CWC27: variants seen among roughly 807,000 people sequenced by gnomAD.
CWC27 encodes CWC27 spliceosome associated cyclophilin, also known as spliceosome-associated protein CWC27 homolog.
Under a neutral mutation model 63.6 loss-of-function variants are expected in CWC27, and 47 were observed. The ratio of observed to expected loss-of-function variants is 0.74; its 90% CI spans 0.58 to 0.94. CWC27 has a LOEUF of 0.94. Among genes scored for constraint, CWC27 ranks in the 40% least tolerant of loss-of-function variants. The pLI is 0.00. For synonymous variants in CWC27, 175 were observed against 179.8 expected (o/e 0.97, Z 0.22); for missense variants, 495 against 554.3 (o/e 0.89, Z 1.07).
chr5:64,914,948 A>G (rs1747861936), intron 11 of CWC27, among the ~76,000 whole-genome samples: 1 of 152,206 alleles, frequency 6.6e-6, no homozygotes, highest in Non-Finnish European at 1.5e-5. Context: ...ACAACAATGT[A>G]GATAAATCTT....
chr5:64,798,145 A>G (rs1744346763), intron 7 of CWC27, among the ~76,000 whole-genome samples: 1 of 152,168 alleles, frequency 6.6e-6, no homozygotes, highest in African/African-American at 2.4e-5. Context: ...TTCTTGTTTA[A>G]GTTATTTGAT....
intron 11 of CWC27, among the ~76,000 whole-genome samples, chr5:64,913,647 A>G (rs550898124): frequency 6.6e-6 from 1 of 152,228 alleles, no homozygotes; most frequent in Non-Finnish European, 1.5e-5. Flanking sequence ...TGGAATTAAT[A>G]TACAGACATA....
intron 11 of CWC27, among the ~76,000 whole-genome samples, chr5:64,951,461 C>A (rs1748707195): frequency 6.6e-6 from 1 of 151,812 alleles, no homozygotes; most frequent in Non-Finnish European, 1.5e-5. Flanking sequence ...AGCTACAAGT[C>A]CTTTATCAGA....
intron 11 of CWC27, among the ~76,000 whole-genome samples, chr5:64,927,669 C>A (rs1186254133): frequency 1.3e-5 from 2 of 152,150 alleles, no homozygotes; most frequent in Non-Finnish European, 2.9e-5. Flanking sequence ...CTCTGCCTCA[C>A]CCCTGCTCAT....
At chr5:64,849,779 G>A (rs1746086570) in intron 10 of CWC27, among the ~76,000 whole-genome samples, 1 of 152,024 alleles carries the variant, frequency 6.6e-6, no homozygotes, top group Non-Finnish European at 1.5e-5. Context: ...AGATCTGATA[G>A]TTTAAAAGTG....
chr5:64,924,091 A>C (rs958445972), intron 11 of CWC27, among the ~76,000 whole-genome samples: 4 of 152,058 alleles, frequency 2.6e-5, no homozygotes, highest in African/African-American at 9.7e-5. Flanking sequence ...TTAATTCCTA[A>C]TTGGTTTCCT....
At chr5:64,976,929 A>T (rs1749237545) in intron 12 of CWC27, among the ~76,000 whole-genome samples, 1 of 152,198 alleles carries the variant, frequency 6.6e-6, no homozygotes, top group African/African-American at 2.4e-5. Flanking sequence ...CTGAGGGGAA[A>T]TGTCAGTGCA....
chr5:64,796,002 C>CGTGT (rs56699605), intron 7 of CWC27, among the ~76,000 whole-genome samples: 11,160 of 135,798 alleles, frequency 0.082, 463 homozygotes, highest in East Asian at 0.12. Flanking sequence ...AGAAATTGTG[C>CGTGT]GTGTGTGTGT....
rs547418984 is a variant in CWC27 at position 64,995,579 on chromosome 5, C to A, written c.1256+18341C>A. 2.0e-5 allele frequency among the ~76,000 whole-genome samples: 3 copies of A among 150,442 alleles called. No individual in the cohort carries two copies. The South Asian group carries it at 6.3e-4, about 31-fold the overall frequency. ...GGTCATTGTTATCATGTTTTTTTTT[C>A]TAAATTGTTAGCCACCACAACTGAA... is the stretch of plus-strand genomic sequence containing the variant. On this transcript the variant is annotated intron_variant, in intron 13 of 13. Coordinates refer to ENST00000381070, the MANE Select transcript of CWC27 (RefSeq NM_005869.4).
At chr5:64,975,391 T>G (rs1268058049) in intron 12 of CWC27, among the ~76,000 whole-genome samples, 1 of 152,268 alleles carries the variant, frequency 6.6e-6, no homozygotes, top group Non-Finnish European at 1.5e-5. Context: ...TTTTTCCTTA[T>G]GAAATGTGAG....
At chr5:64,783,164 A>G (rs13185806) in intron 3 of CWC27, among the ~76,000 whole-genome samples, 513 of 152,326 alleles carry the variant, frequency 3.4e-3, no homozygotes, top group Non-Finnish European at 6.0e-3. Context: ...ATGATATAAC[A>G]TGACTACATT....
intron 7 of CWC27, among the ~76,000 whole-genome samples, chr5:64,792,026 CT>C (rs1744098683): frequency 6.6e-6 from 1 of 152,100 alleles, no homozygotes; most frequent in African/African-American, 2.4e-5. Context: ...CCCCTCTCTT[CT>C]TTTCCTTCCA....
chr5:64,840,361 TTAAAAAAAAAAAAA>T (rs1248830529), intron 10 of CWC27, among the ~76,000 whole-genome samples: 12 of 35,852 alleles, frequency 3.3e-4, no homozygotes, highest in African/African-American at 9.2e-4. Flanking sequence ...TCCTTTTTCA[TTAAAAAAAAAAAAA>T]AAAAAAAAAA....
intron 11 of CWC27, among the ~76,000 whole-genome samples, chr5:64,956,470 C>T (rs753041940): frequency 6.6e-6 from 1 of 152,032 alleles, no homozygotes; most frequent in East Asian, 1.9e-4. Context: ...TATTATTTCT[C>T]GTTTACCTGC....
chr5:64,808,819 C>T (rs1376373222), intron 10 of CWC27, among the ~76,000 whole-genome samples: 3 of 152,126 alleles, frequency 2.0e-5, no homozygotes, highest in Non-Finnish European at 2.9e-5. Flanking sequence ...ATTAGGCTCA[C>T]GGAGGAGGCT....
At chr5:64,842,858 T>C (rs1283377787) in intron 10 of CWC27, among the ~76,000 whole-genome samples, 2 of 152,120 alleles carry the variant, frequency 1.3e-5, no homozygotes, top group East Asian at 3.9e-4. Flanking sequence ...ACCCTCACCC[T>C]CTCAAAGTGC....
intron 6 of CWC27, 35 bp from the exon 7 acceptor site, chr5:64,788,916 T>C: frequency 7.1e-7 from 1 of 1,401,950 alleles, no homozygotes; most frequent in Non-Finnish European, 9.7e-7. Flanking sequence ...TGACTTTCTC[T>C]TTCTTTTTTT....
At chr5:64,799,909 T>A (rs1027298855) in intron 7 of CWC27, among the ~76,000 whole-genome samples, 3 of 152,044 alleles carry the variant, frequency 2.0e-5, no homozygotes, top group African/African-American at 7.2e-5. Flanking sequence ...TCAATACTCT[T>A]GTGATGTAGC....
At chr5:64,875,772 A>G (rs1373363685) in intron 10 of CWC27, among the ~76,000 whole-genome samples, 1 of 152,112 alleles carries the variant, frequency 6.6e-6, no homozygotes, top group Non-Finnish European at 1.5e-5. Context: ...TGCCTTTTTA[A>G]TCTCTTTTGT....
Sources: gnomAD v4.1 joint callset for allele counts (sites outside exome capture counted in the v4.1 genomes callset) on GRCh38, gnomAD v4.1.1 for gene constraint, MANE v1.5 for transcripts, NCBI Gene and HGNC (gene_info 2026-07-23, HGNC 2026-07-21) for gene names.